PLCB4: variants seen among roughly 807,000 people sequenced by gnomAD.
PLCB4 encodes phospholipase C beta 4, also known as 1-phosphatidylinositol 4,5-bisphosphate phosphodiesterase beta-4.
A neutral mutation model predicts 178.8 loss-of-function variants in PLCB4; 77 were observed. That is an observed-to-expected ratio of 0.43 (90% CI 0.36 to 0.52). The LOEUF (loss-of-function observed/expected upper bound fraction) is 0.52, where lower values mean the gene tolerates loss of function less well. Among genes scored for constraint, PLCB4 ranks in the 20% least tolerant of loss-of-function variants. PLCB4 has a pLI of 0.00. For synonymous variants in PLCB4, 496 were observed against 490.8 expected (o/e 1.01, Z -0.14); for missense variants, 1,024 against 1,453.4 (o/e 0.70, Z 4.80).
chr20:9,464,457 CA>C (rs1265912835), intron 35 of PLCB4, among the ~76,000 whole-genome samples: 4 of 151,952 alleles, frequency 2.6e-5, no homozygotes, highest in African/African-American at 9.7e-5. Context: ...GATAGCGACA[CA>C]AAAAACCCTT....
Position 9,380,131 on chromosome 20 carries a change from G to A in PLCB4, c.822G>A (p.Met274Ile), listed in dbSNP as rs2037017563. The A allele has an allele frequency of 1.9e-6, 3 of 1,559,054 alleles. No individual in the cohort carries two copies. Among genetic ancestry groups the A allele is most frequent in the East Asian group, 2.3e-5 (1 of 44,092 alleles). The change falls in exon 13 of 40, where the codon ATG (methionine) becomes ATA (isoleucine). Residue 274 changes from methionine (M) to isoleucine (I), a missense_variant. Physicochemically the swap from Met to Ile is conservative, Grantham distance 10 (BLOSUM62 1). This residue lies in a region of PLCB4 where 37 missense variants were observed against 28.6 expected (regional missense o/e 1.30). Transcript: ENST00000378473. ...AAAGGGCAATGCAGATCATTGAGATGTATGAACCTGATGAAGATTTGAAGA... is the reference window on the plus strand; with the variant it reads ...AAAGGGCAATGCAGATCATTGAGATATATGAACCTGATGAAGATTTGAAGA... ...DAKRAMQIIEMYEPDEDLKKK... is the reference protein window; with the variant it reads ...DAKRAMQIIEIYEPDEDLKKK...
At chr20:9,283,231 C>T (rs957124797) in intron 3 of PLCB4, among the ~76,000 whole-genome samples, 4 of 151,974 alleles carry the variant, frequency 2.6e-5, no homozygotes, top group African/African-American at 9.7e-5. Context: ...TCTACCCCTG[C>T]CCCCAGCTGA....
chr20:9,426,639 A>G (rs1387735020), intron 28 of PLCB4, among the ~76,000 whole-genome samples: 1 of 152,046 alleles, frequency 6.6e-6, no homozygotes, highest in Non-Finnish European at 1.5e-5. Context: ...GGCCTCCCAA[A>G]GTGCTGGGAT....
intron 1 of PLCB4, among the ~76,000 whole-genome samples, chr20:9,086,319 A>T (rs952894220): frequency 2.6e-5 from 4 of 152,050 alleles, no homozygotes; most frequent in African/African-American, 9.7e-5. Context: ...ACATTTTTTG[A>T]AGTGTCTTGT....
chr20:9,459,813 G>A lies in PLCB4; in HGVS notation c.3248+3G>A. 4 of 1,591,096 alleles carry A rather than the reference G, an allele frequency of 2.5e-6. No homozygotes were observed. The highest frequency in any genetic ancestry group is 2.6e-6 in the Non-Finnish European group (3 of 1,161,440). On this transcript the variant is annotated splice_donor_region_variant and intron_variant, in intron 35 of 39. Coordinates refer to ENST00000378473, the MANE Select transcript of PLCB4 (RefSeq NM_001377142.1). ...CAGCTGAAACTGTCCCATGACAGGT[G>A]GGGGAATTGCCGTCTCCAGAGTAAA...
At chr20:9,365,773 T>C (rs2035724398) in intron 9 of PLCB4, among the ~76,000 whole-genome samples, 1 of 152,222 alleles carries the variant, frequency 6.6e-6, no homozygotes, top group Non-Finnish European at 1.5e-5. Context: ...TGTAGAACTA[T>C]TTTTTAAAAT....
Position 9,346,835 on chromosome 20 carries a change from C to T in PLCB4, c.369+7798C>T, listed in dbSNP as rs551446817. Among the ~76,000 whole-genome samples, 20 of 152,210 alleles carry T rather than the reference C, an allele frequency of 1.3e-4. No individual in the cohort carries two copies. The South Asian group carries it at 3.3e-3, about 25-fold the overall frequency. The stretch of plus-strand genomic sequence containing the variant: ...TATTTCTATTGCTGGGTTGAGTTTA[C>T]GGACCACCAGTCTCTGCCTTACATG... On this transcript the variant is annotated intron_variant, in intron 7 of 39. Coordinates refer to ENST00000378473, the MANE Select transcript of PLCB4 (RefSeq NM_001377142.1).
chr20:9,418,458 A>G (rs2040403446), intron 25 of PLCB4, among the ~76,000 whole-genome samples: 1 of 152,168 alleles, frequency 6.6e-6, no homozygotes, highest in Admixed American at 6.5e-5. Context: ...CATCCTTGTC[A>G]AAAATCAATT....
intron 7 of PLCB4, among the ~76,000 whole-genome samples, chr20:9,360,303 A>G (rs955480728): frequency 2.0e-5 from 3 of 152,198 alleles, no homozygotes; most frequent in Non-Finnish European, 4.4e-5. Flanking sequence ...GGTCACTCTC[A>G]CTGACCTTTC....
intron 13 of PLCB4, among the ~76,000 whole-genome samples, chr20:9,382,226 T>A (rs1297540491): frequency 6.6e-6 from 1 of 152,056 alleles, no homozygotes; most frequent in Non-Finnish European, 1.5e-5. Flanking sequence ...TCAAAAGAAA[T>A]CCTAAATAAA....
intron 3 of PLCB4, among the ~76,000 whole-genome samples, chr20:9,302,168 G>T (rs763464288): frequency 2.4e-4 from 36 of 151,706 alleles, no homozygotes; most frequent in Non-Finnish European, 4.6e-4. Context: ...TACAATCAAA[G>T]CCTTTTTTTT....
chr20:9,461,993 C>T (rs1206537991), intron 35 of PLCB4, among the ~76,000 whole-genome samples: 2 of 152,144 alleles, frequency 1.3e-5, no homozygotes, highest in Non-Finnish European at 2.9e-5. Context: ...AACTGGGAGA[C>T]ACCACCAAGC....
chr20:9,406,815 T>C (rs2039476181), intron 21 of PLCB4, among the ~76,000 whole-genome samples: 1 of 152,188 alleles, frequency 6.6e-6, no homozygotes, highest in African/African-American at 2.4e-5. Context: ...TTTTAACTCA[T>C]GGATTACATC....
At chr20:9,395,034 TA>T (rs1316473021) in intron 18 of PLCB4, among the ~76,000 whole-genome samples, 1 of 152,216 alleles carries the variant, frequency 6.6e-6, no homozygotes, top group African/African-American at 2.4e-5. Context: ...CTTTCTGACT[TA>T]TAGAAAAATT....
chr20:9,245,884 A>T (rs938211665), intron 3 of PLCB4, among the ~76,000 whole-genome samples: 2 of 152,078 alleles, frequency 1.3e-5, no homozygotes, highest in Non-Finnish European at 2.9e-5. Context: ...CATCCGCCTC[A>T]GCCTCCCAAA....
chr20:9,342,655 G>GTT (rs1568619068), intron 7 of PLCB4, among the ~76,000 whole-genome samples: 1 of 147,180 alleles, frequency 6.8e-6, no homozygotes. Context: ...TATGTTTTGG[G>GTT]GTTTTTTTTT....
At chr20:9,115,191 G>C (rs1260260900) in intron 2 of PLCB4, among the ~76,000 whole-genome samples, 1 of 151,992 alleles carries the variant, frequency 6.6e-6, no homozygotes, top group Non-Finnish European at 1.5e-5. Flanking sequence ...TGGGTCTCTA[G>C]ACTACTTAAA....
At chr20:9,161,222 G>A (rs1324395702) in intron 2 of PLCB4, among the ~76,000 whole-genome samples, 3 of 152,164 alleles carry the variant, frequency 2.0e-5, no homozygotes, top group African/African-American at 7.2e-5. Context: ...GGGTTTGAAC[G>A]CAGCTTATTT....
intron 33 of PLCB4, among the ~76,000 whole-genome samples, chr20:9,456,261 A>T (rs2043051310): frequency 6.6e-6 from 1 of 152,162 alleles, no homozygotes; most frequent in African/African-American, 2.4e-5. Context: ...CCTTACTCTT[A>T]CCTACTCAGC....
Sources: gnomAD v4.1 joint callset for allele counts (sites outside exome capture counted in the v4.1 genomes callset) on GRCh38, gnomAD v4.1.1 for gene constraint, gnomAD v4.1.1 regional missense constraint, MANE v1.5 for transcripts, NCBI Gene and HGNC (gene_info 2026-07-23, HGNC 2026-07-21) for gene names.